BMPR1B: variants seen among roughly 807,000 people sequenced by gnomAD.
BMPR1B encodes the protein bone morphogenetic protein receptor type-1B.
Under a neutral mutation model 59.1 loss-of-function variants are expected in BMPR1B, and 12 were observed. That is an observed-to-expected ratio of 0.20 (90% CI 0.13 to 0.33). The LOEUF is 0.33. Ranked by LOEUF, BMPR1B falls within the 10% of genes least tolerant of loss-of-function variation. The probability of loss-of-function intolerance (pLI) is 1.00; values close to 1 mark genes in which losing one functional copy is unlikely to be tolerated. For missense variants in BMPR1B, 550 were observed against 610.9 expected, an observed-to-expected ratio of 0.90 and a Z score of 1.05; for synonymous variants, 237 against 207.3, an observed-to-expected ratio of 1.14 and a Z score of -1.23.
chr4:95,010,030 G>A (rs1723112248), intron 3 of BMPR1B, among the ~76,000 whole-genome samples: 1 of 152,164 alleles, frequency 6.6e-6, no homozygotes. Flanking sequence ...TGTAAAAAGA[G>A]CATAAACCAA....
intron 1 of BMPR1B, among the ~76,000 whole-genome samples, chr4:94,766,011 A>G (rs1262167995): frequency 6.6e-6 from 1 of 152,208 alleles, no homozygotes; most frequent in African/African-American, 2.4e-5. Context: ...TAGTATTTAC[A>G]TCATAGGGAT....
intron 10 of BMPR1B, among the ~76,000 whole-genome samples, chr4:95,141,008 C>A (rs1332256282): frequency 6.6e-6 from 1 of 152,152 alleles, no homozygotes; most frequent in Non-Finnish European, 1.5e-5. Flanking sequence ...TTAACTACTT[C>A]ATCAAGAGAT....
chr4:94,935,485 CT>C (rs1211073430), intron 2 of BMPR1B, among the ~76,000 whole-genome samples: 1 of 152,120 alleles, frequency 6.6e-6, no homozygotes, highest in South Asian at 2.1e-4. Context: ...TACAGCTTGC[CT>C]TTCAGTAGTG....
At chr4:95,146,192 T>C (rs1171995402) in intron 10 of BMPR1B, among the ~76,000 whole-genome samples, 1 of 152,106 alleles carries the variant, frequency 6.6e-6, no homozygotes, top group South Asian at 2.1e-4. Flanking sequence ...AGGGCAAACG[T>C]CTAGGGTGGG....
intron 11 of BMPR1B, among the ~76,000 whole-genome samples, chr4:95,152,215 A>G (rs969151512): frequency 2.0e-5 from 3 of 152,178 alleles, no homozygotes; most frequent in African/African-American, 7.2e-5. Flanking sequence ...TTCAAGTAGG[A>G]TACACTTCTG....
chr4:95,081,320 C>T (rs1206276577), intron 3 of BMPR1B, among the ~76,000 whole-genome samples: 2 of 152,114 alleles, frequency 1.3e-5, no homozygotes, highest in Non-Finnish European at 2.9e-5. Flanking sequence ...TGTCTTGAGA[C>T]TTCATTAAAC....
intron 3 of BMPR1B, among the ~76,000 whole-genome samples, chr4:95,030,556 A>G (rs919033125): frequency 5.3e-5 from 8 of 152,162 alleles, no homozygotes; most frequent in East Asian, 1.9e-4. Flanking sequence ...AGGGTATTCA[A>G]TTAGGAAAAG....
At chr4:95,021,105 A>G (rs184382210) in intron 3 of BMPR1B, among the ~76,000 whole-genome samples, 8 of 152,330 alleles carry the variant, frequency 5.3e-5, no homozygotes, top group African/African-American at 1.9e-4. Context: ...GCATGCAAGT[A>G]TGGAGTTGTA....
intron 3 of BMPR1B, among the ~76,000 whole-genome samples, chr4:95,057,759 A>C (rs888569978): frequency 6.6e-6 from 1 of 152,152 alleles, no homozygotes; most frequent in East Asian, 1.9e-4. Context: ...ATAGCAATAT[A>C]AATACTTCCA....
intron 4 of BMPR1B, among the ~76,000 whole-genome samples, chr4:95,111,273 T>C (rs1285613877): frequency 1.3e-5 from 2 of 152,108 alleles, no homozygotes; most frequent in East Asian, 1.9e-4. Context: ...AATGAATCTT[T>C]ATGAAGATCT....
intron 3 of BMPR1B, among the ~76,000 whole-genome samples, chr4:95,080,516 G>A (rs955516723): frequency 7.2e-5 from 11 of 152,098 alleles, no homozygotes; most frequent in African/African-American, 7.2e-5. Context: ...GATTACAGGC[G>A]TGAGCCACCA....
intron 3 of BMPR1B, among the ~76,000 whole-genome samples, chr4:95,024,827 G>A (rs909892729): frequency 6.6e-6 from 1 of 152,172 alleles, no homozygotes; most frequent in Admixed American, 6.6e-5. Context: ...AAAAGGCTGG[G>A]TACATTGGCT....
chr4:94,791,313 A>G (rs899866957), intron 1 of BMPR1B, among the ~76,000 whole-genome samples: 3 of 152,134 alleles, frequency 2.0e-5, no homozygotes, highest in African/African-American at 4.8e-5. Flanking sequence ...TTATTATTCA[A>G]TATCATCATG....
intron 1 of BMPR1B, among the ~76,000 whole-genome samples, chr4:94,780,963 C>T (rs1361905764): frequency 1.3e-5 from 2 of 152,064 alleles, no homozygotes; most frequent in Non-Finnish European, 2.9e-5. Context: ...TCTGGGATTA[C>T]AGGTGTGAGT....
At chr4:95,029,942 T>C (rs1174335778) in intron 3 of BMPR1B, among the ~76,000 whole-genome samples, 9 of 151,884 alleles carry the variant, frequency 5.9e-5, no homozygotes, top group East Asian at 1.9e-4. Context: ...TCATATCCTT[T>C]GCCCACTTTT....
intron 1 of BMPR1B, among the ~76,000 whole-genome samples, chr4:94,831,853 A>G (rs558756474): frequency 6.6e-6 from 1 of 152,210 alleles, no homozygotes; most frequent in East Asian, 1.9e-4. Flanking sequence ...ATTGATTCTC[A>G]TAGGATTGCG....
chr4:95,049,903 GAT>G (rs1427265435), intron 3 of BMPR1B, among the ~76,000 whole-genome samples: 2 of 152,224 alleles, frequency 1.3e-5, no homozygotes, highest in East Asian at 3.9e-4. Flanking sequence ...AATGGTTGCT[GAT>G]ATGAGTTCTT....
chr4:94,945,463 G>A (rs898223541), intron 2 of BMPR1B, among the ~76,000 whole-genome samples: 2 of 152,102 alleles, frequency 1.3e-5, no homozygotes, highest in Non-Finnish European at 2.9e-5. Context: ...GTTTAGACAG[G>A]GTCTTGCTCT....
Position 95,125,263 on chromosome 4 carries a change from A to G in BMPR1B, c.585+142A>G, listed in dbSNP as rs1732825957. 1.4e-5 allele frequency: 15 copies of G among 1,071,664 alleles called. No homozygotes were observed. The South Asian group carries it at 2.1e-4, about 15-fold the overall frequency. The allele number at this position is 1,071,664 out of a possible 1,614,324, so 66.4% of individuals were successfully genotyped here. A position where few individuals can be genotyped will look rare whatever the true frequency, so the allele number is the denominator to read the frequency against. On this transcript the variant is annotated intron_variant, in intron 8 of 12. Coordinates refer to ENST00000515059, the MANE Select transcript of BMPR1B (RefSeq NM_001203.3). ...CTGTTGGACATCCGATCTCAGCTGC[A>G]GGGCTTCCTGATAACATTTTGACAT...
Sources: gnomAD v4.1 joint callset for allele counts (sites outside exome capture counted in the v4.1 genomes callset) on GRCh38, gnomAD v4.1.1 for gene constraint, MANE v1.5 for transcripts, NCBI Gene and HGNC (gene_info 2026-07-23, HGNC 2026-07-21) for gene names.